Variants in ZYG11B observed in about 807,000 individuals in gnomAD.
ZYG11B encodes protein zyg-11 homolog B.
A neutral mutation model predicts 82.4 loss-of-function variants in ZYG11B; 36 were observed. The ratio of observed to expected loss-of-function variants is 0.44; its 90% CI spans 0.33 to 0.58. ZYG11B has a LOEUF of 0.58. Ranked by LOEUF, ZYG11B falls within the 20% of genes least tolerant of loss-of-function variation. The pLI is 0.02. For synonymous variants in ZYG11B, 303 were observed against 312.8 expected (o/e 0.97, Z 0.33); for missense variants, 552 against 895.6 (o/e 0.62, Z 4.90).
chr1:52,803,225 CACACATATATATAT>C (rs1558140513), intron 10 of ZYG11B, among the ~76,000 whole-genome samples: 6 of 56,772 alleles, frequency 1.1e-4, no homozygotes, highest in African/African-American at 8.1e-4. Context: ...TATATATATA[CACACATATATATAT>C]ACACACACAC....
At chr1:52,772,108 AC>A (rs1644757159) in intron 3 of ZYG11B, 4 of 907,600 alleles carry the variant, frequency 4.4e-6, no homozygotes, top group Non-Finnish European at 7.2e-6. Flanking sequence ...GCTATTTTGA[AC>A]CATTTACATA....
chr1:52,803,173 C>CATATATAT (rs754709420), intron 10 of ZYG11B, among the ~76,000 whole-genome samples: 1 of 55,498 alleles, frequency 1.8e-5, no homozygotes, highest in Non-Finnish European at 2.6e-5. Flanking sequence ...TATATACACA[C>CATATATAT]ATATATATAT....
At chr1:52,781,376 G>C (rs983397586) in intron 4 of ZYG11B, among the ~76,000 whole-genome samples, 4 of 152,232 alleles carry the variant, frequency 2.6e-5, no homozygotes. Context: ...GCACGCACCT[G>C]TAGTCCCAGC....
At chr1:52,731,679 A>G (rs1644333627) in intron 1 of ZYG11B, among the ~76,000 whole-genome samples, 2 of 152,224 alleles carry the variant, frequency 1.3e-5, no homozygotes, top group South Asian at 4.1e-4. Context: ...ATGTATAATG[A>G]CAATAGTTAT....
rs1052998394 is a variant in ZYG11B at position 52,772,608 on chromosome 1, G to T, written c.951+834G>T. 7 of 1,255,600 alleles carry T rather than the reference G, an allele frequency of 5.6e-6. No homozygotes were observed. In the South Asian group the frequency reaches 7.2e-5, roughly 13 times the overall value. 77.8% of individuals were successfully genotyped at this position (1,255,600 alleles called of 1,614,324 possible). ...GAAGCTGCGTCGATAGGGTAAAGCC[G>T]ACTGGGACAGGCCCTTCTCAGGAGC... On this transcript the variant is annotated intron_variant, in intron 3 of 13. Coordinates refer to ENST00000294353, the MANE Select transcript of ZYG11B (RefSeq NM_024646.3).
At chr1:52,777,622 T>C (rs1465248844) in intron 3 of ZYG11B, among the ~76,000 whole-genome samples, 1 of 152,104 alleles carries the variant, frequency 6.6e-6, no homozygotes, top group Admixed American at 6.6e-5. Flanking sequence ...TCTTTTCTTT[T>C]ATAGAGACAG....
At chr1:52,807,318 G>A (rs563735278) in intron 10 of ZYG11B, among the ~76,000 whole-genome samples, 1 of 151,984 alleles carries the variant, frequency 6.6e-6, no homozygotes, top group East Asian at 1.9e-4. Context: ...ATGTTGTGAT[G>A]TGTTTAATCA....
chr1:52,816,891 C>T (rs541254410), intron 13 of ZYG11B, among the ~76,000 whole-genome samples: 9 of 148,588 alleles, frequency 6.1e-5, no homozygotes, highest in Middle Eastern at 3.6e-3. Context: ...TGGGTTCAAG[C>T]GATTCTCCTG....
At chr1:52,784,705 T>C (rs952542881) in intron 4 of ZYG11B, among the ~76,000 whole-genome samples, 172 bp from the exon 5 acceptor site, 4 of 152,184 alleles carry the variant, frequency 2.6e-5, no homozygotes, top group African/African-American at 9.7e-5. Flanking sequence ...CTTGGTGAGG[T>C]AGACTGGAAC....
chr1:52,796,546 A>C lies in ZYG11B; in HGVS notation c.1434+155A>C, dbSNP rs960102872. On this transcript the variant is annotated intron_variant, in intron 7 of 13. Coordinates refer to ENST00000294353, the MANE Select transcript of ZYG11B (RefSeq NM_024646.3). The stretch of plus-strand genomic sequence containing the variant: ...TCGATATTGCAGAATTTGGCTGGGC[A>C]CAGTGATTCACACCCATAATCCCAG... Among the ~76,000 whole-genome samples the C allele has an allele frequency of 4.6e-5, 7 of 152,046 alleles. 1 individual carries two copies. The highest frequency in any genetic ancestry group is 8.8e-5 in the Non-Finnish European group (6 of 68,008).
chr1:52,772,032 T>C (rs151092010), intron 3 of ZYG11B, among the ~76,000 whole-genome samples: 3 of 152,362 alleles, frequency 2.0e-5, no homozygotes, highest in African/African-American at 7.2e-5. Context: ...TAATAATCTA[T>C]GTAAAGGGCA....
chr1:52,800,067 G>A (rs1300997676), intron 8 of ZYG11B, among the ~76,000 whole-genome samples: 3 of 151,856 alleles, frequency 2.0e-5, no homozygotes, highest in Non-Finnish European at 1.5e-5. Flanking sequence ...CTTAAAGCCA[G>A]GAGTTTGAGA....
At chr1:52,739,781 T>A (rs900484454) in intron 1 of ZYG11B, among the ~76,000 whole-genome samples, 4 of 151,900 alleles carry the variant, frequency 2.6e-5, no homozygotes, top group Non-Finnish European at 2.9e-5. Context: ...AATTTTTATA[T>A]TTTTAGTAGA....
chr1:52,787,163 C>G (rs915765653), intron 5 of ZYG11B, among the ~76,000 whole-genome samples: 6 of 151,978 alleles, frequency 3.9e-5, no homozygotes, highest in Non-Finnish European at 8.8e-5. Flanking sequence ...CACCAAACAC[C>G]AAATGTCCAT....
chr1:52,783,942 A>ACGTG (rs1558132789), intron 4 of ZYG11B, among the ~76,000 whole-genome samples: 2 of 131,292 alleles, frequency 1.5e-5, no homozygotes, highest in African/African-American at 2.7e-5. Context: ...ACATCTATAC[A>ACGTG]TATATGTATA....
At chr1:52,741,437 T>G (rs1390975673) in intron 1 of ZYG11B, among the ~76,000 whole-genome samples, 1 of 152,062 alleles carries the variant, frequency 6.6e-6, no homozygotes, top group East Asian at 1.9e-4. Flanking sequence ...ACCTGTGAAC[T>G]CAAATGATAC....
chr1:52,770,611 G>A (rs951289238), intron 2 of ZYG11B, among the ~76,000 whole-genome samples: 1 of 152,088 alleles, frequency 6.6e-6, no homozygotes, highest in African/African-American at 2.4e-5. Context: ...AAGTCTCCTC[G>A]TTTGTCATAG....
intron 10 of ZYG11B, among the ~76,000 whole-genome samples, chr1:52,807,191 T>A (rs1397137463): frequency 1.3e-5 from 2 of 151,574 alleles, no homozygotes; most frequent in Non-Finnish European, 2.9e-5. Flanking sequence ...AAGTAGAGAC[T>A]GGGTTTCACC....
At chr1:52,804,723 G>GTT (rs1030277309) in intron 10 of ZYG11B, among the ~76,000 whole-genome samples, 2 of 152,132 alleles carry the variant, frequency 1.3e-5, no homozygotes, top group African/African-American at 4.8e-5. Flanking sequence ...AAGATCAAAT[G>GTT]TTTTATCAGC....
Sources: allele counts gnomAD v4.1 joint callset (sites outside exome capture counted in the v4.1 genomes callset), GRCh38; gene constraint gnomAD v4.1.1; transcripts MANE v1.5; gene names NCBI Gene and HGNC (gene_info 2026-07-23, HGNC 2026-07-21).